Variants in PTPRT observed in about 807,000 individuals in gnomAD.
The protein encoded by PTPRT is protein tyrosine phosphatase receptor type T.
In PTPRT, 56 loss-of-function variants were observed where a neutral mutation model predicts 176.8. That is an observed-to-expected ratio of 0.32 (90% CI 0.26 to 0.40). The LOEUF is 0.40. PTPRT is among the 10% of genes least tolerant of loss of function. PTPRT has a pLI of 1.00. For missense variants in PTPRT, 1,540 were observed against 1,908.2 expected (o/e 0.81, Z 3.60); for synonymous variants, 783 against 739.0 (o/e 1.06, Z -0.96).
chr20:43,112,475 A>G (rs933694288), intron 1 of PTPRT, among the ~76,000 whole-genome samples: 7 of 152,216 alleles, frequency 4.6e-5, no homozygotes, highest in African/African-American at 1.4e-4. Flanking sequence ...TACGTAATAT[A>G]AAGGGCATCT....
intron 1 of PTPRT, among the ~76,000 whole-genome samples, chr20:42,893,870 G>A (rs1171169526): frequency 6.6e-6 from 1 of 151,676 alleles, no homozygotes; most frequent in Non-Finnish European, 1.5e-5. Flanking sequence ...GTGGGGTGGG[G>A]GGAGTGGGGA....
rs915122878 is a variant in PTPRT at position 42,338,562 on chromosome 20, G to A, written c.1865+12066C>T. On this transcript the variant is annotated intron_variant, in intron 11 of 30. Transcript: ENST00000373187. ...AACAGGGTGTCCTGGCAGGGGAGAC[G>A]TTATCTGAGAGCCGTGGGAAGCAGA... 2.6e-5 allele frequency among the ~76,000 whole-genome samples: 4 copies of A among 152,168 alleles called. No homozygotes were observed. In the South Asian group the frequency reaches 6.2e-4, roughly 24 times the overall value.
chr20:42,239,644 G>T (rs750427048), intron 14 of PTPRT, among the ~76,000 whole-genome samples: 18 of 151,766 alleles, frequency 1.2e-4, no homozygotes, highest in Non-Finnish European at 2.4e-4. Context: ...GGATGGTCTC[G>T]ATCTCCTGAC....
At chr20:42,124,271 A>G (rs1486760353) in intron 19 of PTPRT, among the ~76,000 whole-genome samples, 3 of 152,246 alleles carry the variant, frequency 2.0e-5, no homozygotes, top group African/African-American at 4.8e-5. Flanking sequence ...CAGCACGCAG[A>G]TTGACTGCAA....
chr20:42,822,458 A>G (rs2077911760), intron 2 of PTPRT, among the ~76,000 whole-genome samples: 1 of 152,192 alleles, frequency 6.6e-6, no homozygotes, highest in Non-Finnish European at 1.5e-5. Flanking sequence ...TCAGAAGAAA[A>G]CCTAGGCAAT....
intron 3 of PTPRT, among the ~76,000 whole-genome samples, chr20:42,788,815 C>T (rs1019122183): frequency 2.0e-5 from 3 of 152,144 alleles, no homozygotes; most frequent in Non-Finnish European, 2.9e-5. Flanking sequence ...TTGGAGTTAC[C>T]CCGCTTCATC....
intron 1 of PTPRT, among the ~76,000 whole-genome samples, chr20:43,094,959 G>C (rs1325838137): frequency 1.3e-5 from 2 of 152,172 alleles, no homozygotes; most frequent in Non-Finnish European, 2.9e-5. Context: ...TAAGCTGAAC[G>C]TTGAGGGATG....
intron 1 of PTPRT, among the ~76,000 whole-genome samples, chr20:42,920,440 G>A (rs1225407098): frequency 1.3e-5 from 2 of 152,160 alleles, no homozygotes; most frequent in Non-Finnish European, 2.9e-5. Flanking sequence ...CAAAAGGGAA[G>A]AGAGGGAGAG....
At chr20:42,914,350 C>T (rs892102443) in intron 1 of PTPRT, among the ~76,000 whole-genome samples, 1 of 152,162 alleles carries the variant, frequency 6.6e-6, no homozygotes, top group Non-Finnish European at 1.5e-5. Context: ...GTGCTCAAAT[C>T]CCCCTCTTTC....
At chr20:42,748,100 T>C (rs2076716695) in intron 6 of PTPRT, among the ~76,000 whole-genome samples, 1 of 147,570 alleles carries the variant, frequency 6.8e-6, no homozygotes, top group African/African-American at 2.5e-5. Flanking sequence ...TTCATTTGCA[T>C]ATTTTTTATG....
intron 7 of PTPRT, among the ~76,000 whole-genome samples, chr20:42,562,357 A>G (rs550406477): frequency 6.6e-6 from 1 of 152,316 alleles, no homozygotes; most frequent in African/African-American, 2.4e-5. Context: ...ATCCTACAGT[A>G]TATACTGTTT....
chr20:42,310,910 C>T (rs183343779), intron 12 of PTPRT, among the ~76,000 whole-genome samples: 2 of 152,294 alleles, frequency 1.3e-5, no homozygotes, highest in African/African-American at 4.8e-5. Flanking sequence ...ATGAAAATGC[C>T]TGCAAGAACC....
chr20:42,539,497 C>T (rs1601224120), intron 7 of PTPRT, among the ~76,000 whole-genome samples: 1 of 151,352 alleles, frequency 6.6e-6, no homozygotes, highest in South Asian at 2.1e-4. Context: ...ATCTAATCTG[C>T]CCTCTCCCCA....
chr20:42,622,431 G>A (rs1380473581), intron 7 of PTPRT, among the ~76,000 whole-genome samples: 2 of 152,054 alleles, frequency 1.3e-5, no homozygotes, highest in East Asian at 1.9e-4. Flanking sequence ...TAGTAGAGAC[G>A]GGGTTTCACC....
chr20:43,031,040 G>A (rs1986118931), intron 1 of PTPRT, among the ~76,000 whole-genome samples: 1 of 152,146 alleles, frequency 6.6e-6, no homozygotes, highest in Non-Finnish European at 1.5e-5. Flanking sequence ...GTCCATGGCT[G>A]ATCACCTAGG....
intron 6 of PTPRT, among the ~76,000 whole-genome samples, chr20:42,711,349 T>C (rs2076142048): frequency 7.6e-6 from 1 of 132,436 alleles, no homozygotes; most frequent in Non-Finnish European, 1.5e-5. Flanking sequence ...AGGTGGGACC[T>C]GGTGGGAGGT....
chr20:42,704,464 G>A (rs2076021447), intron 6 of PTPRT, among the ~76,000 whole-genome samples: 2 of 151,206 alleles, frequency 1.3e-5, no homozygotes, highest in African/African-American at 2.4e-5. Flanking sequence ...TTCCTTTCCT[G>A]ATACAGAATT....
At chr20:43,187,538 T>C (rs919487528) in intron 1 of PTPRT, among the ~76,000 whole-genome samples, 3 of 151,946 alleles carry the variant, frequency 2.0e-5, no homozygotes, top group African/African-American at 7.3e-5. Context: ...GACAGATATA[T>C]ACAGAAAATC....
At chr20:43,098,230 T>C (rs909434645) in intron 1 of PTPRT, among the ~76,000 whole-genome samples, 16 of 152,172 alleles carry the variant, frequency 1.1e-4, no homozygotes, top group African/African-American at 3.9e-4. Flanking sequence ...TAAGACTCTT[T>C]TTGCTTAAAG....
Sources: gnomAD v4.1 joint callset for allele counts (sites outside exome capture counted in the v4.1 genomes callset) on GRCh38, gnomAD v4.1.1 for gene constraint, MANE v1.5 for transcripts, NCBI Gene and HGNC (gene_info 2026-07-23, HGNC 2026-07-21) for gene names.